Variants in CCDC50 observed in about 807,000 individuals in gnomAD.
CCDC50 encodes the protein coiled-coil domain containing 50.
In CCDC50, 54 loss-of-function variants were observed where a neutral mutation model predicts 70.2. That is an observed-to-expected ratio of 0.77 (90% CI 0.62 to 0.96). CCDC50 has a LOEUF of 0.96. Among genes scored for constraint, CCDC50 ranks in the 50% least tolerant of loss-of-function variants. The pLI is 0.00. For missense variants in CCDC50, 558 were observed against 578.7 expected, an observed-to-expected ratio of 0.96 and a Z score of 0.37; for synonymous variants, 216 against 198.8, an observed-to-expected ratio of 1.09 and a Z score of -0.73.
intron 1 of CCDC50, among the ~76,000 whole-genome samples, chr3:191,333,095 G>A (rs917521566): frequency 7.2e-5 from 11 of 152,102 alleles, no homozygotes; most frequent in African/African-American, 2.2e-4. Flanking sequence ...CTGTCTCAAA[G>A]TTGGTGAATT....
At chr3:191,353,810 A>G (rs779339379) in intron 1 of CCDC50, among the ~76,000 whole-genome samples, 1 of 99,918 alleles carries the variant, frequency 1.0e-5, no homozygotes, top group Non-Finnish European at 2.5e-5. Flanking sequence ...GTATTTGACA[A>G]TACAACTCTC....
rs533662660 is a variant in CCDC50, at chr3:191,347,118, T to C, written c.50-9970T>C. Among the ~76,000 whole-genome samples, 27 of 142,348 alleles carry C rather than the reference T, an allele frequency of 1.9e-4. 3 individuals are homozygous for C. Among genetic ancestry groups the C allele is most frequent in the African/African-American group, 6.0e-4 (24 of 39,996 alleles). 93.4% of individuals were successfully genotyped at this position (142,348 alleles called of 152,430 possible). Reference sequence around the variant, plus strand: ...GCTATTCTGGTGTTTGTAAAACTTTTTGTGAAAAAGGCAGCTTTCTATCTG... The same window carrying C: ...GCTATTCTGGTGTTTGTAAAACTTTCTGTGAAAAAGGCAGCTTTCTATCTG... On this transcript the variant is annotated intron_variant, in intron 1 of 11. Coordinates refer to ENST00000392455, the MANE Select transcript of CCDC50 (RefSeq NM_178335.3).
intron 1 of CCDC50, among the ~76,000 whole-genome samples, chr3:191,343,165 T>G (rs1473868): frequency 0.18 from 27,417 of 152,194 alleles, 2,798 homozygotes; most frequent in East Asian, 0.45. Context: ...TATTTTGGTA[T>G]CTGTGGGGGT....
At chr3:191,374,990 G>T in intron 5 of CCDC50, 72 bp from the exon 6 acceptor site, 1 of 1,465,268 alleles carries the variant, frequency 6.8e-7, no homozygotes. Context: ...ACTCCCCCCT[G>T]TGTAGTGAGT....
chr3:191,369,637 T>C (rs1476284364), intron 4 of CCDC50, among the ~76,000 whole-genome samples: 1 of 152,198 alleles, frequency 6.6e-6, no homozygotes, highest in Non-Finnish European at 1.5e-5. Flanking sequence ...ATTTTTAAAA[T>C]TCTGTTGTGT....
chr3:191,391,832 C>A lies in CCDC50; in HGVS notation c.*72C>A. ...ACTGGGTGATACAGAATGAATTCTA[C>A]ACTTACTTTTTTTCTCCTGTGTTTG... On this transcript the variant is annotated 3_prime_UTR_variant, in exon 12 of 12. Coordinates refer to ENST00000392455, the MANE Select transcript of CCDC50 (RefSeq NM_178335.3). 7.3e-7 allele frequency: 1 copy of A among 1,378,336 alleles called. No homozygotes were observed. Among genetic ancestry groups the A allele is most frequent in the Non-Finnish European group, 1.0e-6 (1 of 974,752 alleles). 85.4% of individuals were successfully genotyped at this position (1,378,336 alleles called of 1,614,324 possible). A position where few individuals can be genotyped will look rare whatever the true frequency, so the allele number is the denominator to read the frequency against.
intron 5 of CCDC50, among the ~76,000 whole-genome samples, chr3:191,372,521 A>G (rs1052586344): frequency 5.3e-5 from 8 of 152,130 alleles, no homozygotes; most frequent in Admixed American, 2.6e-4. Flanking sequence ...CACCTGGGAT[A>G]TTCTTTCATT....
chr3:191,387,894 C>G (rs1053851083), intron 10 of CCDC50, among the ~76,000 whole-genome samples: 1 of 152,022 alleles, frequency 6.6e-6, no homozygotes, highest in South Asian at 2.1e-4. Context: ...AACTACTAAC[C>G]CTGTTTTCTT....
At position 191,393,241 on chromosome 3, in the gene CCDC50, C is replaced by G. The variant is rs1400469650; in HGVS notation, c.*1481C>G. ...CACTTGTTCTCCCTCTCTCTGTCTC[C>G]CCCCCATGTACACATATATATATCC... On this transcript the variant is annotated 3_prime_UTR_variant, in exon 12 of 12. Transcript: ENST00000392455. 6.6e-6 allele frequency: 1 copy of G among 152,064 alleles called. No individual in the cohort carries two copies. Among genetic ancestry groups the G allele is most frequent in the Non-Finnish European group, 1.5e-5 (1 of 68,016 alleles). The allele number at this position is 152,064 out of a possible 1,614,324, so 9.4% of individuals were successfully genotyped here.
At chr3:191,370,302 G>T in intron 5 of CCDC50, 4 of 363,500 alleles carry the variant, frequency 1.1e-5, no homozygotes, top group South Asian at 4.3e-5. Flanking sequence ...CCATGTTGGT[G>T]TGCTGCACCC....
In CCDC50 at chr3:191,358,075, G is replaced by A. The variant is rs1267100078; in HGVS notation, c.190G>A (p.Glu64Lys). 6.2e-7 allele frequency: 1 copy of A among 1,614,020 alleles called. No homozygotes were observed. Among genetic ancestry groups the A allele is most frequent in the Admixed American group, 1.7e-5 (1 of 60,014 alleles). The change falls in exon 3 of 12, where the codon GAG becomes AAG. Residue 64 changes from glutamate (E) to lysine (K), a missense_variant. Transcript: ENST00000392455. ...TCTCCAGGTGGCTAAGCAGCTCCAA[G>A]AGGAAGATCTGAAAGCGCAGGCCCA... ...HDLQVAKQLQ[E>K]EDLKAQAQLQ...
intron 4 of CCDC50, among the ~76,000 whole-genome samples, chr3:191,367,419 CTCTCTTTTCTCCAAATGTTAAAATGAA>C (rs1560165302): frequency 1.3e-5 from 2 of 152,012 alleles, no homozygotes. Flanking sequence ...TAAAATGAAT[CTCTCTTTTCTCCAAATGTTAAAATGAA>C]TCTCTTTTCT....
In CCDC50 at chr3:191,393,885, GTATTTT is replaced by G. The variant is rs1222577236; in HGVS notation, c.*2131_*2136del. ...TGTAATTTTAAAGGAAAAAAACAATGTATTTTTATTTGATAACTAGGCAAAATCATT... is the reference window on the plus strand; with the variant it reads ...TGTAATTTTAAAGGAAAAAAACAATGTATTTGATAACTAGGCAAAATCATT... On this transcript the variant is annotated 3_prime_UTR_variant, in exon 12 of 12. Transcript: ENST00000392455. 6.6e-6 allele frequency: 1 copy of G among 152,066 alleles called. No individual in the cohort carries two copies. The highest frequency in any genetic ancestry group is 1.5e-5 in the Non-Finnish European group (1 of 67,978). The allele number at this position is 152,066 out of a possible 1,614,324, so 9.4% of individuals were successfully genotyped here.
chr3:191,367,407 G>C (rs1278644884), intron 4 of CCDC50, among the ~76,000 whole-genome samples: 1 of 152,004 alleles, frequency 6.6e-6, no homozygotes, highest in African/African-American at 2.4e-5. Flanking sequence ...AAATCTCAAT[G>C]TTAAAATGAA....
At chr3:191,371,594 G>A (rs1712914955) in intron 5 of CCDC50, among the ~76,000 whole-genome samples, 1 of 152,172 alleles carries the variant, frequency 6.6e-6, no homozygotes, top group Admixed American at 6.5e-5. Context: ...TGAAAGCAGT[G>A]TATATGTAGA....
chr3:191,375,651 T>A, intron 6 of CCDC50, 62 bp downstream of exon 6: 1 of 1,535,040 alleles, frequency 6.5e-7, no homozygotes, highest in Non-Finnish European at 8.9e-7. Context: ...AACCAATGAA[T>A]TTAATAAGTA....
chr3:191,347,624 A>G lies in CCDC50; in HGVS notation c.50-9464A>G, dbSNP rs570912823. 3.6e-4 allele frequency among the ~76,000 whole-genome samples: 51 copies of G among 142,418 alleles called. 9 individuals carry two copies. Among genetic ancestry groups the G allele is most frequent in the African/African-American group, 1.2e-3 (48 of 39,930 alleles). The allele number at this position is 142,418 out of a possible 152,430, so 93.4% of individuals were successfully genotyped here. ...CTTTGTAAGTTGAGTGATCTGTTTA[A>G]TTGTGGCCCAAAGAAACCAAGAATT... On this transcript the variant is annotated intron_variant, in intron 1 of 11. Transcript: ENST00000392455.
chr3:191,364,571 T>G (rs1712614166), intron 4 of CCDC50, among the ~76,000 whole-genome samples: 2 of 150,642 alleles, frequency 1.3e-5, no homozygotes, highest in South Asian at 4.2e-4. Flanking sequence ...TGAGAACCCT[T>G]TTCTCTTGGA....
intron 9 of CCDC50, among the ~76,000 whole-genome samples, chr3:191,381,469 C>T (rs1323934431): frequency 6.6e-6 from 1 of 152,132 alleles, no homozygotes; most frequent in Admixed American, 6.6e-5. Context: ...TCTTTCCCCT[C>T]GTTGATCAGA....
Sources: allele counts gnomAD v4.1 joint callset (sites outside exome capture counted in the v4.1 genomes callset), GRCh38; gene constraint gnomAD v4.1.1; transcripts MANE v1.5; gene names NCBI Gene and HGNC (gene_info 2026-07-23, HGNC 2026-07-21).